The following HAAO variants were observed in gnomAD, a reference collection of about 807,000 sequenced individuals.
HAAO encodes 3-hydroxyanthranilate 3,4-dioxygenase.
A neutral mutation model predicts 46.2 loss-of-function variants in HAAO; 49 were observed. The observed-to-expected ratio is 1.06, with a 90% CI of 0.84 to 1.34. The LOEUF (loss-of-function observed/expected upper bound fraction) is 1.34. Among genes scored for constraint, HAAO ranks in the 40% most tolerant of loss-of-function variants. HAAO has a pLI of 0.00. For synonymous variants in HAAO, 157 were observed against 145.2 expected (o/e 1.08, Z -0.58); for missense variants, 408 against 364.5 (o/e 1.12, Z -0.97).
intron 4 of HAAO, among the ~76,000 whole-genome samples, chr2:42,773,916 C>G (rs1468698223): frequency 6.6e-6 from 1 of 152,130 alleles, no homozygotes; most frequent in Non-Finnish European, 1.5e-5. Flanking sequence ...ATTCAAAGTG[C>G]CCCTCTGCTC....
At chr2:42,770,266 C>G (rs1671008786) in intron 5 of HAAO, 80 bp from the exon 6 acceptor site, 1 of 1,226,896 alleles carries the variant, frequency 8.2e-7, no homozygotes, top group Non-Finnish European at 1.2e-6. Context: ...ACACCACACT[C>G]ACGGTCAGGT....
At chr2:42,791,985 C>A (rs1672840931) in intron 1 of HAAO, among the ~76,000 whole-genome samples, 1 of 151,872 alleles carries the variant, frequency 6.6e-6, no homozygotes, top group Non-Finnish European at 1.5e-5. Flanking sequence ...AGCAAGACAT[C>A]AAGATCTTCC....
chr2:42,791,967 C>G (rs889877673), intron 1 of HAAO, among the ~76,000 whole-genome samples: 9 of 151,542 alleles, frequency 5.9e-5, no homozygotes, highest in Admixed American at 5.3e-4. Flanking sequence ...TAGAGGGGCC[C>G]TGAAAAAAGC....
intron 2 of HAAO, among the ~76,000 whole-genome samples, chr2:42,784,702 T>C (rs1382616053): frequency 6.6e-6 from 1 of 152,134 alleles, no homozygotes; most frequent in East Asian, 1.9e-4. Context: ...CTTGAAGGAA[T>C]GTTATCAACA....
chr2:42,767,832 T>C, intron 8 of HAAO, 28 bp downstream of exon 8: 1 of 1,610,150 alleles, frequency 6.2e-7, no homozygotes, highest in Non-Finnish European at 8.5e-7. Context: ...CAGGGGGTTC[T>C]GCAACCCTGT....
intron 7 of HAAO, among the ~76,000 whole-genome samples, chr2:42,768,396 G>A (rs953787466): frequency 6.6e-5 from 10 of 152,192 alleles, no homozygotes; most frequent in African/African-American, 2.4e-4. Flanking sequence ...TGCTGCTGAT[G>A]CCCTGGAGAG....
chr2:42,774,630 G>C (rs1224224940), intron 4 of HAAO, among the ~76,000 whole-genome samples: 1 of 152,158 alleles, frequency 6.6e-6, no homozygotes, highest in Non-Finnish European at 1.5e-5. Context: ...TAGGATGGTA[G>C]AGAGTTGTCT....
At chr2:42,790,380 A>G (rs10204105) in intron 1 of HAAO, among the ~76,000 whole-genome samples, 120,890 of 151,134 alleles carry the variant, frequency 0.8, 48,715 homozygotes, top group Middle Eastern at 0.93. Flanking sequence ...TGACTGGGGA[A>G]GAGTGTGCAC....
At chr2:42,787,467 G>C (rs763067526) in intron 2 of HAAO, among the ~76,000 whole-genome samples, 26 of 152,168 alleles carry the variant, frequency 1.7e-4, no homozygotes, top group Non-Finnish European at 2.8e-4. Context: ...CCAAGGAAAC[G>C]GTCTCCAGTG....
rs1305385992 is a variant in HAAO at position 42,784,037 on chromosome 2, C to CA, written c.160-171dup. ...TGAGGCCTGTCTCCCCGGTGCATGC[C>CA]ATGGAGTGCCGGGGACACATGGGAT... On this transcript the variant is annotated intron_variant, in intron 2 of 9. Coordinates refer to ENST00000294973, the MANE Select transcript of HAAO (RefSeq NM_012205.3). 21 of 768,064 alleles carry CA rather than the reference C, an allele frequency of 2.7e-5. No individual in the cohort carries two copies. The Admixed American group carries it at 1.3e-3, about 48-fold the overall frequency. The allele number at this position is 768,064 out of a possible 1,614,324, so 47.6% of individuals were successfully genotyped here.
chr2:42,792,442 G>C lies in HAAO; in HGVS notation c.80+15C>G, dbSNP rs755909171. 111 of 1,526,024 alleles carry C rather than the reference G, an allele frequency of 7.3e-5. 3 individuals are homozygous for C. In the South Asian group the frequency reaches 1.3e-3, roughly 17 times the overall value. The allele number at this position is 1,526,024 out of a possible 1,614,324, so 94.5% of individuals were successfully genotyped here. A position where few individuals can be genotyped will look rare whatever the true frequency, so the allele number is the denominator to read the frequency against. On this transcript the variant is annotated intron_variant, in intron 1 of 9. Transcript: ENST00000294973. The stretch of plus-strand genomic sequence containing the variant: ...AGGCGAGGGCAGGGGGCGGCCATGG[G>C]GGTGCTGGACTCACATGAGCTTGTT...
In HAAO at chr2:42,767,459, G is replaced by A. The variant is rs751940347; in HGVS notation, c.839C>T (p.Ala280Val). The A allele has an allele frequency of 6.2e-7, 1 of 1,613,024 alleles. No homozygotes were observed. Among genetic ancestry groups the A allele is most frequent in the Non-Finnish European group, 8.5e-7 (1 of 1,179,506 alleles). ...GGGTCACCCCAGGGGCTTCTTGCAGGCAGGGTCCTGGGTCACAGACAGGGC... is the reference window on the plus strand; with the variant it reads ...GGGTCACCCCAGGGGCTTCTTGCAGACAGGGTCCTGGGTCACAGACAGGGC... ...SVALSVTQDP[A>V]CKKPLG Residue 280 changes from alanine (A) to valine (V), a missense_variant, in exon 10 of 10, where the codon GCC (alanine) becomes GTC (valine). By Grantham distance (64) the Ala-to-Val change is moderately conservative. Coordinates refer to ENST00000294973, the MANE Select transcript of HAAO (RefSeq NM_012205.3).
chr2:42,778,974 A>C (rs894301019), intron 4 of HAAO, among the ~76,000 whole-genome samples: 1 of 152,064 alleles, frequency 6.6e-6, no homozygotes, highest in Non-Finnish European at 1.5e-5. Context: ...TTAGCCAGGC[A>C]TGGTGGCACA....
intron 4 of HAAO, among the ~76,000 whole-genome samples, chr2:42,780,212 T>TC (rs1037235245): frequency 1.7e-4 from 10 of 57,304 alleles, no homozygotes; most frequent in Admixed American, 4.7e-4. Context: ...TTTTTTTTAA[T>TC]TTTTTTTTTT....
chr2:42,789,838 C>T (rs1423411551), intron 1 of HAAO, among the ~76,000 whole-genome samples: 4 of 152,238 alleles, frequency 2.6e-5, no homozygotes, highest in Non-Finnish European at 5.9e-5. Context: ...CAGCCTGCCC[C>T]ATCCCCACAG....
chr2:42,788,133 A>G (rs557483609), intron 2 of HAAO, among the ~76,000 whole-genome samples: 18 of 152,058 alleles, frequency 1.2e-4, no homozygotes, highest in African/African-American at 3.6e-4. Flanking sequence ...GTGTTTTTGC[A>G]CTTTGCCCCC....
Position 42,788,604 on chromosome 2 carries a change from G to C in HAAO, c.84C>G (p.His28Gln). 1 of 1,568,376 alleles carries C rather than the reference G, an allele frequency of 6.4e-7. No individual in the cohort carries two copies. The highest frequency in any genetic ancestry group is 2.2e-5 in the East Asian group (1 of 44,520). The change falls in exon 2 of 10, where the codon CAC becomes CAG. Residue 28 changes from histidine to glutamine, a missense_variant. By Grantham distance (24) the His-to-Gln change is conservative. Transcript: ENST00000294973. ...TGAACATGACTTTGAGCTGCTCCTG[G>C]TGCCTGCAATGCGCAAAGTGGGGGA... ...FQPPVCNKLM[H>Q]QEQLKVMFIG...
At chr2:42,790,356 A>C (rs62143191) in intron 1 of HAAO, among the ~76,000 whole-genome samples, 22,452 of 151,668 alleles carry the variant, frequency 0.15, 1,983 homozygotes, top group South Asian at 0.22. Context: ...AGGGGAGGGA[A>C]GCCGCAAGGA....
intron 4 of HAAO, among the ~76,000 whole-genome samples, chr2:42,773,187 G>A (rs1425842715): frequency 1.3e-5 from 2 of 152,256 alleles, no homozygotes; most frequent in African/African-American, 4.8e-5. Context: ...GCCAGATCTA[G>A]CAAGTAACAC....
Sources: gnomAD v4.1 joint callset for allele counts (sites outside exome capture counted in the v4.1 genomes callset) on GRCh38, gnomAD v4.1.1 for gene constraint, MANE v1.5 for transcripts, NCBI Gene and HGNC (gene_info 2026-07-23, HGNC 2026-07-21) for gene names.